SYNPO2: variants seen among roughly 807,000 people sequenced by gnomAD.
SYNPO2 encodes synaptopodin-2.
Under a neutral mutation model 85.0 loss-of-function variants are expected in SYNPO2, and 56 were observed. That is an observed-to-expected ratio of 0.66 (90% confidence interval 0.53 to 0.82). The LOEUF (loss-of-function observed/expected upper bound fraction) is 0.82. SYNPO2 is among the 40% of genes least tolerant of loss of function. The pLI is 0.00. For missense variants in SYNPO2, 1,575 were observed against 1,534.2 expected (o/e 1.03, Z -0.44); for synonymous variants, 602 against 591.1 (o/e 1.02, Z -0.27).
At chr4:118,890,962 C>G (rs10518318) in intron 1 of SYNPO2, among the ~76,000 whole-genome samples, 23,997 of 151,864 alleles carry the variant, frequency 0.16, 2,024 homozygotes, top group East Asian at 0.19. Flanking sequence ...AGCCAGGCCT[C>G]AAGAATAGAG....
rs545934252 is a variant in SYNPO2, at chr4:118,865,306, G to T, written c.12+14366G>T. ...TCTGGCAATGCAGTCTCTCTGTCTA[G>T]TGCCATCTATTGACAGACATGACAT... On this transcript the variant is annotated intron_variant, in intron 1 of 4. Transcript: ENST00000610556. Among the ~76,000 whole-genome samples, 3 of 152,336 alleles carry T rather than the reference G, an allele frequency of 2.0e-5. No individual in the cohort carries two copies. In the South Asian group the frequency reaches 6.2e-4, roughly 32 times the overall value.
chr4:119,030,637 C>T lies in SYNPO2; in HGVS notation c.1862C>T (p.Pro621Leu), dbSNP rs1324063767. 4 of 1,614,020 alleles carry T rather than the reference C, an allele frequency of 2.5e-6. No individual in the cohort carries two copies. The highest frequency in any genetic ancestry group is 1.6e-4 in the Middle Eastern group (1 of 6,084). The change falls in exon 4 of 5, where the codon CCT becomes CTT. Residue 621 changes from proline (P) to leucine (L), a missense_variant. Coordinates refer to ENST00000307142, the MANE Select transcript of SYNPO2 (RefSeq NM_133477.3). ...ATTGCTGACTTTCCTGCACCTCCAC[C>T]TTACTCTGCAGTCACTCCTCCCCCT... ...SPIADFPAPP[P>L]YSAVTPPPDA...
chr4:119,035,301 G>T (rs531176420), intron 4 of SYNPO2: 3 of 985,310 alleles, frequency 3.0e-6, no homozygotes, highest in African/African-American at 1.7e-5. Flanking sequence ...AGGAAGGAAG[G>T]TTCCATGGAC....
At chr4:118,985,065 TC>T (rs1259884334) in intron 1 of SYNPO2, among the ~76,000 whole-genome samples, 2 of 152,174 alleles carry the variant, frequency 1.3e-5, no homozygotes, top group African/African-American at 2.4e-5. Context: ...ATTCCCAGGC[TC>T]CAAGAAACCT....
intron 1 of SYNPO2, among the ~76,000 whole-genome samples, chr4:118,854,262 A>G (rs1360282206): frequency 6.6e-6 from 1 of 152,222 alleles, no homozygotes; most frequent in African/African-American, 2.4e-5. Flanking sequence ...CAGAAAGTGT[A>G]TTTACATGTC....
chr4:119,025,375 T>A (rs1737895154), intron 2 of SYNPO2, among the ~76,000 whole-genome samples: 1 of 152,246 alleles, frequency 6.6e-6, no homozygotes, highest in Non-Finnish European at 1.5e-5. Flanking sequence ...CATGCTTTTT[T>A]AATACGATAT....
At chr4:118,890,697 T>TTTTCTCTCTCTCTCTC (rs1732334388) in intron 1 of SYNPO2, among the ~76,000 whole-genome samples, 1 of 81,754 alleles carries the variant, frequency 1.2e-5, no homozygotes, top group Admixed American at 1.3e-4. Flanking sequence ...TCTCATCGGT[T>TTTTCTCTCTCTCTCTC]TCTCTCTCTC....
intron 1 of SYNPO2, among the ~76,000 whole-genome samples, chr4:118,906,951 G>A (rs1446173240): frequency 2.6e-5 from 4 of 151,676 alleles, no homozygotes; most frequent in Admixed American, 6.6e-5. Context: ...AGGACCACAG[G>A]TGTGTGCCAC....
At chr4:118,960,709 C>G (rs935550067) in intron 1 of SYNPO2, among the ~76,000 whole-genome samples, 21 of 152,048 alleles carry the variant, frequency 1.4e-4, no homozygotes, top group Non-Finnish European at 2.5e-4. Context: ...CCTATGCTCA[C>G]AAATCTCCTT....
intron 1 of SYNPO2, among the ~76,000 whole-genome samples, chr4:118,930,117 C>T (rs1240352188): frequency 2.6e-5 from 4 of 152,094 alleles, no homozygotes; most frequent in African/African-American, 4.8e-5. Context: ...TATATGTTAG[C>T]AATAATGAAA....
chr4:118,936,733 G>A (rs747840363), intron 1 of SYNPO2, among the ~76,000 whole-genome samples: 1 of 152,014 alleles, frequency 6.6e-6, no homozygotes, highest in Non-Finnish European at 1.5e-5. Flanking sequence ...TTAAACATAA[G>A]ATCACTAACA....
intron 1 of SYNPO2, among the ~76,000 whole-genome samples, chr4:118,864,574 C>T (rs1299937988): frequency 6.6e-6 from 1 of 152,188 alleles, no homozygotes; most frequent in African/African-American, 2.4e-5. Context: ...TTCGATCTGT[C>T]TGTCTCGTTA....
chr4:118,939,535 T>C (rs1372777569), intron 1 of SYNPO2, among the ~76,000 whole-genome samples: 5 of 152,230 alleles, frequency 3.3e-5, no homozygotes, highest in Non-Finnish European at 5.9e-5. Context: ...CATGAGTTTA[T>C]ACGTGAGAAA....
At chr4:118,988,857 A>C (rs1290184122) in intron 1 of SYNPO2, among the ~76,000 whole-genome samples, 1 of 152,160 alleles carries the variant, frequency 6.6e-6, no homozygotes, top group Non-Finnish European at 1.5e-5. Context: ...CCCCCACCCC[A>C]AAGTCATCGA....
At chr4:118,873,676 T>C (rs571128983) in intron 1 of SYNPO2, among the ~76,000 whole-genome samples, 23 of 152,232 alleles carry the variant, frequency 1.5e-4, no homozygotes, top group Non-Finnish European at 1.6e-4. Context: ...TTTATTTTAC[T>C]GTGCAGAAGC....
chr4:118,853,249 T>C (rs2110560723), intron 1 of SYNPO2, among the ~76,000 whole-genome samples: 1 of 152,302 alleles, frequency 6.6e-6, no homozygotes, highest in East Asian at 1.9e-4. Flanking sequence ...TCAACAGATG[T>C]TTGTAGATTT....
At chr4:118,907,968 T>A (rs1024110679) in intron 1 of SYNPO2, among the ~76,000 whole-genome samples, 1 of 152,210 alleles carries the variant, frequency 6.6e-6, no homozygotes, top group Non-Finnish European at 1.5e-5. Flanking sequence ...TACATCATAA[T>A]TTTTAATGGC....
At chr4:118,874,647 G>A (rs1326200162) in intron 1 of SYNPO2, among the ~76,000 whole-genome samples, 8 of 152,070 alleles carry the variant, frequency 5.3e-5, no homozygotes, top group African/African-American at 1.7e-4. Flanking sequence ...AGTAGATAGA[G>A]GCTTTGTGGG....
chr4:118,865,697 CAGG>C (rs1049825060), intron 1 of SYNPO2, among the ~76,000 whole-genome samples: 2 of 151,850 alleles, frequency 1.3e-5, no homozygotes, highest in African/African-American at 4.8e-5. Context: ...ACTTTGGAAA[CAGG>C]AGGAAGGAGG....
Sources: allele counts gnomAD v4.1 joint callset (sites outside exome capture counted in the v4.1 genomes callset), GRCh38; gene constraint gnomAD v4.1.1; transcripts MANE v1.5; gene names NCBI Gene and HGNC (gene_info 2026-07-23, HGNC 2026-07-21).